GAREM2: variants seen among roughly 807,000 people sequenced by gnomAD.
GAREM2 encodes GRB2-associated and regulator of MAPK protein 2.
In GAREM2, 30 loss-of-function variants were observed where a neutral mutation model predicts 55.6. The observed-to-expected ratio is 0.54, with a 90% CI of 0.40 to 0.73. The LOEUF is 0.73. Ranked by LOEUF, GAREM2 falls within the 30% of genes least tolerant of loss-of-function variation. The pLI is 0.00. For missense variants in GAREM2, 1,075 were observed against 1,257.7 expected, an observed-to-expected ratio of 0.85 and a Z score of 2.20; for synonymous variants, 550 against 569.1, an observed-to-expected ratio of 0.97 and a Z score of 0.48.
intron 2 of GAREM2, chr2:26,182,358 G>A (rs1669077794): frequency 2.0e-6 from 3 of 1,526,016 alleles, no homozygotes; most frequent in Non-Finnish European, 2.6e-6. Flanking sequence ...ATTGGACCAG[G>A]GCAGGGTGTG....
intron 1 of GAREM2, among the ~76,000 whole-genome samples, chr2:26,174,055 T>C (rs1574582949): frequency 8.4e-6 from 1 of 119,156 alleles, no homozygotes; most frequent in Non-Finnish European, 1.8e-5. Context: ...GGGTGCTGCT[T>C]GGTTGGGGGA....
At position 26,186,191 on chromosome 2, in the gene GAREM2, G is replaced by T. The variant is rs759610810; in HGVS notation, c.1431G>T (p.Val477=). ...GAGTCACCGCCCTCTGCTTGTAGGT[G>T]AAGGAGGAGTGCCGCCTGCTCAATG... is the stretch of plus-strand genomic sequence containing the variant. ...PPPVPPKSEA[V]KEECRLLNAP... is the part of the protein sequence containing the mutation. The change falls in exon 5 of 6, where the codon GTG becomes GTT. Residue 477 remains valine, a splice_region_variant and synonymous_variant. Transcript: ENST00000401533. 51 of 1,508,458 alleles carry T rather than the reference G, an allele frequency of 3.4e-5. No homozygotes were observed. The South Asian group carries it at 5.4e-4, about 16-fold the overall frequency. 93.4% of individuals were successfully genotyped at this position (1,508,458 alleles called of 1,614,324 possible).
chr2:26,195,273 G>A, the GAREM2 span: 104 of 1,573,124 alleles, frequency 6.6e-5, no homozygotes, highest in Non-Finnish European at 8.5e-5. Flanking sequence ...GGAGAATGCG[G>A]GTGAGGAACC....
At chr2:26,183,541 TG>T (rs1377648012) in intron 3 of GAREM2, among the ~76,000 whole-genome samples, 1 of 152,106 alleles carries the variant, frequency 6.6e-6, no homozygotes, top group African/African-American at 2.4e-5. Flanking sequence ...CTGGGCAACA[TG>T]GAGAGACCCT....
downstream of GAREM2, chr2:26,191,298 C>T (rs747585542): frequency 1.2e-6 from 2 of 1,613,496 alleles, no homozygotes; most frequent in South Asian, 2.2e-5. Flanking sequence ...CAGCTAGCAG[C>T]TGGCATGGGG....
the GAREM2 span, chr2:26,197,641 G>T: frequency 1.2e-6 from 1 of 861,542 alleles, no homozygotes; most frequent in Non-Finnish European, 2.0e-6. Flanking sequence ...CTTTATCAGT[G>T]AATCTGAAGC....
At chr2:26,190,646 GAA>G (rs945210906), downstream of GAREM2, 1 of 158,236 alleles carries the variant, frequency 6.3e-6, no homozygotes, top group African/African-American at 2.4e-5. Context: ...CCAGGCTGGG[GAA>G]AGAGGTTTAA....
In GAREM2 at chr2:26,181,909, G is replaced by A. The variant is rs1047389059; in HGVS notation, c.254-1058G>A. The stretch of plus-strand genomic sequence containing the variant: ...CAGGAGGATCCCTTGAGCCCAGAAG[G>A]TTGAAGCTGCAGTGAGTTGTGATCA... On this transcript the variant is annotated intron_variant, in intron 2 of 5. Coordinates refer to ENST00000401533, the MANE Select transcript of GAREM2 (RefSeq NM_001168241.2). 2.6e-5 allele frequency: 18 copies of A among 679,328 alleles called. 1 individual carries two copies. The highest frequency in any genetic ancestry group is 1.4e-4 in the East Asian group (1 of 7,392). The allele number at this position is 679,328 out of a possible 1,614,324, so 42.1% of individuals were successfully genotyped here. A position where few individuals can be genotyped will look rare whatever the true frequency, so the allele number is the denominator to read the frequency against.
At chr2:26,182,469 G>T in intron 2 of GAREM2, 1 of 1,550,552 alleles carries the variant, frequency 6.4e-7, no homozygotes, top group Non-Finnish European at 8.7e-7. Flanking sequence ...GCAGCCCAGG[G>T]CGATGCACAG....
In GAREM2 at chr2:26,173,840, G is replaced by A. The variant is rs922944550; in HGVS notation, c.112+508G>A. On this transcript the variant is annotated intron_variant, in intron 1 of 5. Coordinates refer to ENST00000401533, the MANE Select transcript of GAREM2 (RefSeq NM_001168241.2). ...CTAGGAGCAGCCTCGGTCCTGGGGC[G>A]GGCAGGCCACCTTCGGGAGAGGCCG... 3.3e-5 allele frequency among the ~76,000 whole-genome samples: 5 copies of A among 152,258 alleles called. No homozygotes were observed. In the East Asian group the frequency reaches 7.8e-4, roughly 24 times the overall value.
Position 26,173,222 on chromosome 2 carries a change from TG to T in GAREM2, c.4del (p.Glu2?). The T allele has an allele frequency of 7.8e-7, 1 of 1,289,170 alleles. No homozygotes were observed. The highest frequency in any genetic ancestry group is 9.9e-7 in the Non-Finnish European group (1 of 1,012,352). The allele number at this position is 1,289,170 out of a possible 1,614,324, so 79.9% of individuals were successfully genotyped here. On this transcript the variant is annotated frameshift_variant and start_lost, in exon 1 of 6. Coordinates refer to ENST00000401533, the MANE Select transcript of GAREM2 (RefSeq NM_001168241.2). LOFTEE classifies it high-confidence loss of function. ...CGGCGGCCCCGGGGCGCCCATGCCATGGAGAAGCTGGCGGCCGGGCTGGCCG... is the reference window on the plus strand; with the variant it reads ...CGGCGGCCCCGGGGCGCCCATGCCATGAGAAGCTGGCGGCCGGGCTGGCCG... [M>X]EKLAAGLAGL...
the GAREM2 span, among the ~76,000 whole-genome samples, chr2:26,197,095 G>A: frequency 6.6e-6 from 1 of 152,210 alleles, no homozygotes; most frequent in African/African-American, 2.4e-5. Flanking sequence ...GGCTGGTTCT[G>A]GTTAGCAGAG....
the GAREM2 span, among the ~76,000 whole-genome samples, chr2:26,200,627 A>G: frequency 1.3e-5 from 2 of 152,230 alleles, no homozygotes; most frequent in African/African-American, 4.8e-5. Context: ...CTACATGAAT[A>G]AGGTGAACGC....
In GAREM2 at chr2:26,184,225, A is replaced by G; in HGVS notation, c.385-8A>G. 1 of 1,549,398 alleles carries G rather than the reference A, an allele frequency of 6.5e-7. No individual in the cohort carries two copies. The highest frequency in any genetic ancestry group is 8.7e-7 in the Non-Finnish European group (1 of 1,145,696). The stretch of plus-strand genomic sequence containing the variant: ...GCTAAGGCCCTGCCCTGTCTCTGGG[A>G]TCCCCAGGTGGTGTCGGGCGAGTTC... On this transcript the variant is annotated splice_region_variant and splice_polypyrimidine_tract_variant and intron_variant, in intron 3 of 5. Transcript: ENST00000401533.
At chr2:26,200,926 G>T in the GAREM2 span, among the ~76,000 whole-genome samples, 3 of 151,992 alleles carry the variant, frequency 2.0e-5, no homozygotes, top group African/African-American at 7.3e-5. Flanking sequence ...TAGAGATGGG[G>T]TTTCATCATA....
At chr2:26,203,911 A>G in the GAREM2 span, 5 of 783,054 alleles carry the variant, frequency 6.4e-6, no homozygotes, top group Non-Finnish European at 8.7e-6. Flanking sequence ...TGGCTTCACT[A>G]CGGAGTATCT....
In GAREM2 at chr2:26,184,332, G is replaced by A. The variant is rs1372701384; in HGVS notation, c.484G>A (p.Ala162Thr). The change falls in exon 4 of 6, where the codon GCC becomes ACC. Residue 162 changes from alanine (A) to threonine (T), a missense_variant. Ala to Thr is a moderately conservative substitution (Grantham distance 58, BLOSUM62 0). This residue lies in a region of GAREM2 where 230 missense variants were observed against 310.6 expected (regional missense o/e 0.74). Coordinates refer to ENST00000401533, the MANE Select transcript of GAREM2 (RefSeq NM_001168241.2). ...TATGGGCCAGGCGGAGATCCTGTGC[G>A]CCAAGACCACCAAGGAGCGCTCGCG... is the stretch of plus-strand genomic sequence containing the variant. ...TLMGQAEILCAKTTKERSRFT... is the reference protein window; with the variant it reads ...TLMGQAEILCTKTTKERSRFT... 3.2e-6 allele frequency: 5 copies of A among 1,550,298 alleles called. No homozygotes were observed. The Admixed American group carries it at 5.9e-5, about 18-fold the overall frequency.
chr2:26,197,895 G>C, the GAREM2 span: 1 of 733,546 alleles, frequency 1.4e-6, no homozygotes, highest in African/African-American at 1.7e-5. Flanking sequence ...CAACTGCTCA[G>C]ACAGTAGATG....
chr2:26,177,731 A>G (rs1668908276), intron 2 of GAREM2, among the ~76,000 whole-genome samples: 2 of 151,912 alleles, frequency 1.3e-5, no homozygotes, highest in Admixed American at 6.6e-5. Flanking sequence ...GGTTCAAGGG[A>G]TTCTCCTGCC....
Sources: allele counts gnomAD v4.1 joint callset (sites outside exome capture counted in the v4.1 genomes callset), GRCh38; gene constraint gnomAD v4.1.1; regional missense constraint gnomAD v4.1.1; transcripts MANE v1.5; gene names NCBI Gene and HGNC (gene_info 2026-07-23, HGNC 2026-07-21).